The following CCDC18 variants were observed in gnomAD, a reference collection of about 807,000 sequenced individuals.
CCDC18 encodes the protein coiled-coil domain-containing protein 18.
In CCDC18, 157 loss-of-function variants were observed where a neutral mutation model predicts 196.0. The observed-to-expected ratio is 0.80, with a 90% CI of 0.70 to 0.91. The LOEUF is 0.91. Ranked by LOEUF, CCDC18 falls within the 40% of genes least tolerant of loss-of-function variation. The pLI, the probability that CCDC18 is intolerant of heterozygous loss-of-function variation, is 0.00. For synonymous variants in CCDC18, 482 were observed against 529.2 expected, an observed-to-expected ratio of 0.91 and a Z score of 1.22; for missense variants, 1,465 against 1,611.6, an observed-to-expected ratio of 0.91 and a Z score of 1.56.
intron 10 of CCDC18, 53 bp from the exon 11 acceptor site, chr1:93,212,048 G>A (rs1205454466): frequency 1.3e-6 from 2 of 1,481,478 alleles, no homozygotes; most frequent in Non-Finnish European, 1.8e-6. Flanking sequence ...TACAGTATGA[G>A]TTTTTTTATA....
intron 6 of CCDC18, among the ~76,000 whole-genome samples, chr1:93,197,866 T>G (rs2815412): frequency 6.6e-6 from 1 of 151,094 alleles, no homozygotes; most frequent in Admixed American, 6.6e-5. Flanking sequence ...ATTCTCTTGC[T>G]TCAGCCTCTC....
chr1:93,219,015 C>CTGTG (rs1159337263), intron 14 of CCDC18, among the ~76,000 whole-genome samples: 4 of 152,306 alleles, frequency 2.6e-5, no homozygotes, highest in Admixed American at 2.6e-4. Context: ...ATTATTGAAT[C>CTGTG]TGTGTAATCA....
intron 26 of CCDC18, among the ~76,000 whole-genome samples, chr1:93,260,056 C>T (rs1184318629): frequency 6.6e-6 from 1 of 152,132 alleles, no homozygotes; most frequent in Admixed American, 6.5e-5. Flanking sequence ...GCTCAGATAA[C>T]CCTCCCCACT....
intron 9 of CCDC18, 56 bp from the exon 10 acceptor site, chr1:93,210,746 A>G (rs1331895313): frequency 2.2e-6 from 3 of 1,382,858 alleles, no homozygotes; most frequent in Non-Finnish European, 3.0e-6. Flanking sequence ...TCTGAATAAA[A>G]AAGCAAATGC....
intron 16 of CCDC18, among the ~76,000 whole-genome samples, chr1:93,224,249 A>G (rs922850425): frequency 6.6e-6 from 1 of 151,380 alleles, no homozygotes; most frequent in Non-Finnish European, 1.5e-5. Context: ...CTACCAACCC[A>G]CCTCCCTTTT....
intron 25 of CCDC18, among the ~76,000 whole-genome samples, chr1:93,257,244 A>AC (rs1663107599): frequency 6.9e-6 from 1 of 144,726 alleles, no homozygotes; most frequent in African/African-American, 2.7e-5. Context: ...AAAAAAAAAA[A>AC]AAAAAAAAAA....
rs1256659468 is a variant in CCDC18 at position 93,221,679 on chromosome 1, A to G, written c.2033A>G (p.Gln678Arg). 6.3e-7 allele frequency: 1 copy of G among 1,594,090 alleles called. No individual in the cohort carries two copies. ...GAAAAGACTATGTCCATGTTGCAAC[A>G]AGATATAATATGCAAACAACATCAT... ...EQEKTMSMLQ[Q>R]DIICKQHHLE... Residue 678 changes from glutamine to arginine, a missense_variant, in exon 15 of 29, where the codon CAA becomes CGA. Gln to Arg is a conservative substitution (Grantham distance 43, BLOSUM62 1). Transcript: ENST00000690025.
chr1:93,256,178 T>C (rs1047486433), intron 24 of CCDC18, among the ~76,000 whole-genome samples, 157 bp from the exon 25 acceptor site: 8 of 152,138 alleles, frequency 5.3e-5, no homozygotes, highest in Non-Finnish European at 1.2e-4. Flanking sequence ...AGTTTCACAG[T>C]GGGTGATACT....
intron 17 of CCDC18, among the ~76,000 whole-genome samples, chr1:93,230,239 T>C (rs921108788): frequency 2.0e-5 from 3 of 152,008 alleles, no homozygotes; most frequent in African/African-American, 7.2e-5. Context: ...CGGTGGCTCA[T>C]GCCTGTAATC....
At position 93,221,630 on chromosome 1, in the gene CCDC18, A is replaced by C. The variant is rs199553472; in HGVS notation, c.1984A>C (p.Lys662Gln). ...IERLEAQLEK[K>Q]DQQFKEQEKT... ...TTAGCTTGAAGCTCAACTAGAGAAA[A>C]AGGACCAACAATTTAAAGAACAAGA... The change falls in exon 15 of 29, where the codon AAG (lysine) becomes CAG (glutamine). Residue 662 changes from lysine to glutamine, a missense_variant. Physicochemically the swap from Lys to Gln is moderately conservative, Grantham distance 53. Transcript: ENST00000690025. 827 of 1,544,796 alleles carry C rather than the reference A, an allele frequency of 5.4e-4. No homozygotes were observed. The highest frequency in any genetic ancestry group is 6.7e-4 in the Admixed American group (29 of 43,282).
At chr1:93,212,947 A>G (rs1299576193) in intron 11 of CCDC18, among the ~76,000 whole-genome samples, 1 of 152,168 alleles carries the variant, frequency 6.6e-6, no homozygotes, top group Non-Finnish European at 1.5e-5. Context: ...AGAAGGTTCC[A>G]TCTGGGGGTC....
intron 6 of CCDC18, among the ~76,000 whole-genome samples, chr1:93,197,606 A>G (rs1652949739): frequency 6.6e-6 from 1 of 151,932 alleles, no homozygotes; most frequent in African/African-American, 2.4e-5. Context: ...AAATAACTAA[A>G]CTAGTCAAAA....
intron 27 of CCDC18, 44 bp downstream of exon 27, chr1:93,264,945 T>C: frequency 7.3e-7 from 1 of 1,362,040 alleles, no homozygotes; most frequent in Non-Finnish European, 1.0e-6. Flanking sequence ...TATGAAAACA[T>C]AAATGTCTGA....
rs1399232573 is a variant in CCDC18 at position 93,239,461 on chromosome 1, A to G, written c.2755A>G (p.Lys919Glu). The G allele has an allele frequency of 6.2e-6, 10 of 1,608,978 alleles. No individual in the cohort carries two copies. Among genetic ancestry groups the G allele is most frequent in the Non-Finnish European group, 7.6e-6 (9 of 1,178,380 alleles). Residue 919 changes from lysine to glutamate, a missense_variant, in exon 20 of 29, where the codon AAA becomes GAA. By Grantham distance (56) the Lys-to-Glu change is moderately conservative. Transcript: ENST00000690025. ...TCAGACAAAGACAGAGCTAGAAAAG[A>G]AAACAAATGCTGGTAAGCAAGTGGT... ...LDQTKTELEK[K>E]TNAVKELEKL...
At chr1:93,186,538 T>C in intron 4 of CCDC18, 35 bp downstream of exon 4, 2 of 1,532,214 alleles carry the variant, frequency 1.3e-6, no homozygotes, top group South Asian at 1.2e-5. Flanking sequence ...CAACAGAAAA[T>C]AGTTGTTATT....
chr1:93,251,242 CCTT>C (rs1423148450), intron 23 of CCDC18, among the ~76,000 whole-genome samples: 4 of 152,150 alleles, frequency 2.6e-5, no homozygotes, highest in African/African-American at 4.8e-5. Flanking sequence ...ACTTTAATCT[CCTT>C]CTCCTTCCAC....
At chr1:93,215,319 A>G (rs538280890) in intron 12 of CCDC18, among the ~76,000 whole-genome samples, 5 of 152,132 alleles carry the variant, frequency 3.3e-5, no homozygotes, top group Admixed American at 6.5e-5. Context: ...AAGGAGTGAT[A>G]ATAAAGGATT....
chr1:93,206,561 A>G (rs1284893377), intron 8 of CCDC18, among the ~76,000 whole-genome samples: 2 of 152,168 alleles, frequency 1.3e-5, no homozygotes, highest in Non-Finnish European at 2.9e-5. Flanking sequence ...CTAACCCTCT[A>G]AAATGTCTAA....
intron 14 of CCDC18, among the ~76,000 whole-genome samples, chr1:93,220,040 A>C (rs1291634628): frequency 6.6e-6 from 1 of 152,200 alleles, no homozygotes; most frequent in African/African-American, 2.4e-5. Context: ...AAATTTGATG[A>C]AGGAAATAAA....
Sources: allele counts gnomAD v4.1 joint callset (sites outside exome capture counted in the v4.1 genomes callset), GRCh38; gene constraint gnomAD v4.1.1; transcripts MANE v1.5; gene names NCBI Gene and HGNC (gene_info 2026-07-23, HGNC 2026-07-21).